The following IGF2BP2 variants were observed in gnomAD, a reference collection of about 807,000 sequenced individuals.
IGF2BP2 encodes insulin-like growth factor 2 mRNA-binding protein 2.
A neutral mutation model predicts 75.8 loss-of-function variants in IGF2BP2; 17 were observed. That is an observed-to-expected ratio of 0.22 (90% CI 0.15 to 0.34). The LOEUF is 0.34. IGF2BP2 is among the 10% of genes least tolerant of loss of function. The pLI is 1.00. For synonymous variants in IGF2BP2, 288 were observed against 295.6 expected (o/e 0.97, Z 0.26); for missense variants, 516 against 772.4 (o/e 0.67, Z 3.93).
intron 2 of IGF2BP2, among the ~76,000 whole-genome samples, chr3:185,709,815 A>G (rs944051778): frequency 3.9e-5 from 6 of 152,184 alleles, no homozygotes; most frequent in Non-Finnish European, 7.3e-5. Context: ...AGAGAGCACC[A>G]TCTCACCTAA....
At chr3:185,766,508 C>T (rs1419251454) in intron 2 of IGF2BP2, among the ~76,000 whole-genome samples, 1 of 152,016 alleles carries the variant, frequency 6.6e-6, no homozygotes, top group African/African-American at 2.4e-5. Flanking sequence ...ATCTCAGTGT[C>T]CATAAATAAA....
intron 5 of IGF2BP2, among the ~76,000 whole-genome samples, chr3:185,690,469 T>C (rs1360178308): frequency 2.0e-5 from 3 of 152,232 alleles, no homozygotes; most frequent in Non-Finnish European, 4.4e-5. Context: ...CCTTTCAGTA[T>C]AATTTACACA....
At chr3:185,798,787 C>CTTT (rs1260800467) in intron 2 of IGF2BP2, among the ~76,000 whole-genome samples, 2 of 133,138 alleles carry the variant, frequency 1.5e-5, no homozygotes, top group African/African-American at 3.1e-5. Context: ...TTTCTTTTTT[C>CTTT]TTTTTTTCTT....
intron 2 of IGF2BP2, chr3:185,722,170 G>C (rs1405180710): frequency 4.5e-6 from 2 of 448,034 alleles, no homozygotes; most frequent in Non-Finnish European, 8.9e-6. Flanking sequence ...CTGGCCTCAA[G>C]CAATCTTCCC....
chr3:185,813,683 C>G (rs1740215918), intron 2 of IGF2BP2, among the ~76,000 whole-genome samples: 1 of 152,230 alleles, frequency 6.6e-6, no homozygotes, highest in Non-Finnish European at 1.5e-5. Flanking sequence ...TAGACCCCTA[C>G]AACCATCGAA....
intron 2 of IGF2BP2, among the ~76,000 whole-genome samples, chr3:185,731,520 T>TA (rs1348598143): frequency 2.0e-5 from 3 of 152,026 alleles, no homozygotes; most frequent in Non-Finnish European, 4.4e-5. Context: ...CCCAAAGTGC[T>TA]AAGATAACAG....
chr3:185,793,720 T>C (rs1736945893), intron 2 of IGF2BP2, among the ~76,000 whole-genome samples: 3 of 152,108 alleles, frequency 2.0e-5, no homozygotes, highest in Admixed American at 1.3e-4. Flanking sequence ...AGAAACTGAT[T>C]TCTTCTGATA....
intron 1 of IGF2BP2, among the ~76,000 whole-genome samples, chr3:185,823,800 G>A (rs1741670888): frequency 6.6e-6 from 1 of 151,768 alleles, no homozygotes; most frequent in South Asian, 2.1e-4. Flanking sequence ...GCCGGCCGGG[G>A]CCCGGGGGCC....
intron 2 of IGF2BP2, among the ~76,000 whole-genome samples, chr3:185,782,649 T>C (rs1735360226): frequency 6.6e-6 from 1 of 152,176 alleles, no homozygotes; most frequent in Non-Finnish European, 1.5e-5. Flanking sequence ...ATTCCATCAC[T>C]GGGAGCGCAG....
intron 12 of IGF2BP2, among the ~76,000 whole-genome samples, chr3:185,652,584 G>A (rs1034001268): frequency 6.6e-6 from 1 of 152,186 alleles, no homozygotes; most frequent in African/African-American, 2.4e-5. Context: ...AATTGGAGTC[G>A]AGCTTGCAGC....
chr3:185,707,914 T>C (rs988376249), intron 2 of IGF2BP2, among the ~76,000 whole-genome samples: 2 of 152,242 alleles, frequency 1.3e-5, no homozygotes, highest in Admixed American at 1.3e-4. Context: ...TCCAAGGGCT[T>C]CGCTGAACAC....
chr3:185,664,493 C>T (rs561341244), intron 10 of IGF2BP2, among the ~76,000 whole-genome samples: 10 of 152,172 alleles, frequency 6.6e-5, no homozygotes, highest in South Asian at 2.1e-4. Flanking sequence ...GCAAATGACC[C>T]GAGTGAATTA....
intron 2 of IGF2BP2, among the ~76,000 whole-genome samples, chr3:185,705,205 T>G (rs1723850795): frequency 1.3e-5 from 2 of 152,226 alleles, no homozygotes; most frequent in Non-Finnish European, 2.9e-5. Context: ...CAAGTGATTT[T>G]CCTGCCTCAG....
intron 2 of IGF2BP2, among the ~76,000 whole-genome samples, chr3:185,723,802 G>A (rs1269505999): frequency 6.6e-6 from 1 of 152,196 alleles, no homozygotes; most frequent in Non-Finnish European, 1.5e-5. Context: ...GGAGCTCAGA[G>A]GAAAGGCTAT....
chr3:185,681,352 T>C lies in IGF2BP2; in HGVS notation c.813-5439A>G, dbSNP rs1265278511. On this transcript the variant is annotated intron_variant, in intron 7 of 15. Transcript: ENST00000382199. ...CCACTTACAATAGCATCAAAAAGTA[T>C]AGAATACTTAAGAATAAACCTAACC... Among the ~76,000 whole-genome samples, 7 of 152,144 alleles carry C rather than the reference T, an allele frequency of 4.6e-5. No individual in the cohort carries two copies. In the East Asian group the frequency reaches 5.8e-4, roughly 13 times the overall value.
At chr3:185,664,266 T>C (rs181675302) in intron 10 of IGF2BP2, among the ~76,000 whole-genome samples, 1 of 152,254 alleles carries the variant, frequency 6.6e-6, no homozygotes, top group East Asian at 1.9e-4. Context: ...CAGCCCAAGA[T>C]CTAAACCACT....
intron 2 of IGF2BP2, among the ~76,000 whole-genome samples, chr3:185,788,710 C>CTTTT (rs1158869748): frequency 9.0e-5 from 9 of 100,224 alleles, no homozygotes; most frequent in Admixed American, 2.2e-4. Context: ...TGACAAACGA[C>CTTTT]TTTTTTTTTT....
chr3:185,775,757 AAAG>A (rs1734460405), intron 2 of IGF2BP2, among the ~76,000 whole-genome samples: 2 of 152,234 alleles, frequency 1.3e-5, no homozygotes, highest in Non-Finnish European at 2.9e-5. Context: ...TAGGGAAATA[AAAG>A]AAGATGGCTG....
intron 10 of IGF2BP2, among the ~76,000 whole-genome samples, chr3:185,667,374 G>T (rs989644546): frequency 6.6e-6 from 1 of 152,184 alleles, no homozygotes; most frequent in African/African-American, 2.4e-5. Context: ...TATTGAGGAG[G>T]CTGAGGTGGG....
Sources: gnomAD v4.1 joint callset for allele counts (sites outside exome capture counted in the v4.1 genomes callset) on GRCh38, gnomAD v4.1.1 for gene constraint, MANE v1.5 for transcripts, NCBI Gene and HGNC (gene_info 2026-07-23, HGNC 2026-07-21) for gene names.